The following GSG1 variants were observed in gnomAD, a reference collection of about 807,000 sequenced individuals.
The protein encoded by GSG1 is germ cell-specific gene 1 protein.
GSG1 carries 28 observed loss-of-function variants against 30.8 expected under a neutral mutation model. The observed-to-expected ratio is 0.91, with a 90% confidence interval of 0.67 to 1.25. The LOEUF is 1.25. Ranked by LOEUF, GSG1 falls within the 50% of genes most tolerant of loss-of-function variation. GSG1 has a pLI of 0.00. For missense variants in GSG1, 435 were observed against 444.7 expected (o/e 0.98, Z 0.20); for synonymous variants, 162 against 178.0 (o/e 0.91, Z 0.71).
chr12:13,102,600 A>T (rs1207067773), intron 1 of GSG1, among the ~76,000 whole-genome samples: 1 of 152,196 alleles, frequency 6.6e-6, no homozygotes, highest in Non-Finnish European at 1.5e-5. Context: ...CTCTTAAGTT[A>T]TCCTGTTCTT....
chr12:13,091,654 C>G (rs942063551), intron 1 of GSG1, among the ~76,000 whole-genome samples: 1 of 152,156 alleles, frequency 6.6e-6, no homozygotes, highest in African/African-American at 2.4e-5. Flanking sequence ...CAGTGAGCCA[C>G]GATCATGCCA....
chr12:13,085,646 AC>A (rs1048334950), intron 6 of GSG1, among the ~76,000 whole-genome samples: 5 of 150,910 alleles, frequency 3.3e-5, no homozygotes, highest in African/African-American at 1.2e-4. Flanking sequence ...CCTACTGCAT[AC>A]CCTCCCTCTC....
chr12:13,095,525 C>T, intron 1 of GSG1: 3 of 1,358,872 alleles, frequency 2.2e-6, no homozygotes, highest in Non-Finnish European at 3.2e-6. Flanking sequence ...GAGGCAGGTG[C>T]ACTTCTTAAA....
intron 6 of GSG1, among the ~76,000 whole-genome samples, chr12:13,086,930 T>C (rs1241865403): frequency 2.0e-5 from 3 of 151,932 alleles, no homozygotes; most frequent in African/African-American, 7.3e-5. Flanking sequence ...CTGGACAAAA[T>C]AACATCCTCC....
intron 2 of GSG1, 70 bp downstream of exon 2, chr12:13,090,432 AT>A: frequency 1.4e-6 from 2 of 1,452,848 alleles, no homozygotes; most frequent in Non-Finnish European, 1.9e-6. Flanking sequence ...GGCCTACCTG[AT>A]TTCCATGCCT....
At chr12:13,103,443 A>G in intron 1 of GSG1, 22 bp downstream of exon 1, 1 of 1,585,574 alleles carries the variant, frequency 6.3e-7, no homozygotes, top group Non-Finnish European at 8.7e-7. Context: ...TGTTCATGAG[A>G]TTTCAAAATC....
chr12:13,090,848 A>C, intron 1 of GSG1, 30 bp from the exon 2 acceptor site: 2 of 1,575,252 alleles, frequency 1.3e-6, no homozygotes, highest in South Asian at 2.4e-5. Context: ...GTGGAAGGGA[A>C]GGGAGCAGGG....
At chr12:13,102,446 A>G in intron 1 of GSG1, among the ~76,000 whole-genome samples, 1 of 152,228 alleles carries the variant, frequency 6.6e-6, no homozygotes, top group Non-Finnish European at 1.5e-5. Context: ...ATTCTAAGCC[A>G]TGACTGGCTT....
At position 13,100,524 on chromosome 12, in the gene GSG1, C is replaced by A. The variant is rs549477726; in HGVS notation, c.48+2941G>T. 8.5e-5 allele frequency among the ~76,000 whole-genome samples: 13 copies of A among 152,296 alleles called. No individual in the cohort carries two copies. In the East Asian group the frequency reaches 2.1e-3, roughly 25 times the overall value. On this transcript the variant is annotated intron_variant, in intron 1 of 6. Coordinates refer to ENST00000651961, the MANE Select transcript of GSG1 (RefSeq NM_001080555.4). The stretch of plus-strand genomic sequence containing the variant: ...GATCAGGAGACAGATTGCTCAAAAA[C>A]CAGTGACAGATTGGAAATGTTATGT...
At chr12:13,100,572 C>T (rs1294894796) in intron 1 of GSG1, among the ~76,000 whole-genome samples, 2 of 152,180 alleles carry the variant, frequency 1.3e-5, no homozygotes, top group Non-Finnish European at 2.9e-5. Context: ...TGGGTGGACC[C>T]CTACTGATTA....
chr12:13,099,358 G>A (rs1308622164), intron 1 of GSG1, among the ~76,000 whole-genome samples: 1 of 152,162 alleles, frequency 6.6e-6, no homozygotes, highest in Non-Finnish European at 1.5e-5. Context: ...GCACAGACAC[G>A]AAGATTCCAC....
intron 1 of GSG1, among the ~76,000 whole-genome samples, chr12:13,096,861 G>C (rs1193034735): frequency 1.3e-5 from 2 of 152,144 alleles, no homozygotes; most frequent in Non-Finnish European, 2.9e-5. Context: ...GCTGAGGCAG[G>C]TGGATCACTT....
In GSG1 at chr12:13,090,483, T is replaced by C. The variant is rs961587955; in HGVS notation, c.364+20A>G. 5 of 1,594,304 alleles carry C rather than the reference T, an allele frequency of 3.1e-6. No individual in the cohort carries two copies. Among genetic ancestry groups the C allele is most frequent in the Non-Finnish European group, 4.3e-6 (5 of 1,167,552 alleles). ...GCCCGCCCTGACCCCGTTGCTCTTA[T>C]ATCCCAGAATGTAGGCTACCTGGTT... On this transcript the variant is annotated intron_variant, in intron 2 of 6. Coordinates refer to ENST00000651961, the MANE Select transcript of GSG1 (RefSeq NM_001080555.4).
intron 6 of GSG1, 57 bp downstream of exon 6, chr12:13,087,095 G>T: frequency 8.2e-7 from 1 of 1,221,112 alleles, no homozygotes; most frequent in Non-Finnish European, 1.2e-6. Flanking sequence ...GCTGAGGGCA[G>T]AAAATCTCGT....
intron 3 of GSG1, 87 bp from the exon 4 acceptor site, chr12:13,088,996 C>A: frequency 6.6e-7 from 1 of 1,504,706 alleles, no homozygotes; most frequent in Non-Finnish European, 9.1e-7. Context: ...TGGTACTGCT[C>A]CCTCTGCTCT....
intron 1 of GSG1, chr12:13,095,632 G>C (rs2120884969): frequency 6.2e-7 from 1 of 1,614,162 alleles, no homozygotes; most frequent in Non-Finnish European, 8.5e-7. Flanking sequence ...AGCTTGTCTG[G>C]AAGAACCGAA....
At chr12:13,094,269 A>G (rs2120852153) in intron 1 of GSG1, among the ~76,000 whole-genome samples, 1 of 152,360 alleles carries the variant, frequency 6.6e-6, no homozygotes, top group Middle Eastern at 3.4e-3. Flanking sequence ...CATATCACAA[A>G]ATGCTTATTA....
At chr12:13,097,834 C>G (rs979533084) in intron 1 of GSG1, among the ~76,000 whole-genome samples, 17 of 152,218 alleles carry the variant, frequency 1.1e-4, no homozygotes, top group African/African-American at 3.6e-4. Flanking sequence ...GTTCCTCCCC[C>G]TCTTCCAGAC....
chr12:13,103,493 A>C lies in GSG1; in HGVS notation c.20T>G (p.Leu7Arg). 1 of 1,614,008 alleles carries C rather than the reference A, an allele frequency of 6.2e-7. No individual in the cohort carries two copies. The highest frequency in any genetic ancestry group is 8.5e-7 in the Non-Finnish European group (1 of 1,179,860). ...CTGGGTGAGGCAAACATTTTGAGTC[A>C]GTTGAGAGGGATCGCTCATTCACTC... MSDPSQLTQNVCLTQEM... is the reference protein window; with the variant it reads MSDPSQRTQNVCLTQEM... The change falls in exon 1 of 7, where the codon CTG (leucine) becomes CGG (arginine). Residue 7 changes from leucine (L) to arginine (R), a missense_variant. By Grantham distance (102) the Leu-to-Arg change is moderately radical (BLOSUM62 -2). Transcript: ENST00000651961.
Sources: allele counts gnomAD v4.1 joint callset (sites outside exome capture counted in the v4.1 genomes callset), GRCh38; gene constraint gnomAD v4.1.1; transcripts MANE v1.5; gene names NCBI Gene and HGNC (gene_info 2026-07-23, HGNC 2026-07-21).